Variants in B4GALNT3 observed in about 807,000 individuals in gnomAD.
The protein encoded by B4GALNT3 is beta-1,4-N-acetylgalactosaminyltransferase 3.
A neutral mutation model predicts 120.2 loss-of-function variants in B4GALNT3; 86 were observed. The ratio of observed to expected loss-of-function variants is 0.72; its 90% CI spans 0.60 to 0.86. B4GALNT3 has a LOEUF of 0.86. B4GALNT3 is among the 40% of genes least tolerant of loss of function. B4GALNT3 has a pLI of 0.00. For missense variants in B4GALNT3, 1,167 were observed against 1,298.9 expected, an observed-to-expected ratio of 0.90 and a Z score of 1.56; for synonymous variants, 518 against 510.4, an observed-to-expected ratio of 1.01 and a Z score of -0.20.
chr12:472,332 G>A (rs910972676), intron 1 of B4GALNT3, among the ~76,000 whole-genome samples: 3 of 152,236 alleles, frequency 2.0e-5, no homozygotes, highest in Admixed American at 1.3e-4. Context: ...CCAGCCTGGA[G>A]TTTGGTGGCA....
At chr12:531,727 C>A (rs75898920) in intron 1 of B4GALNT3, among the ~76,000 whole-genome samples, 5,439 of 152,208 alleles carry the variant, frequency 0.036, 235 homozygotes, top group African/African-American at 0.1. Flanking sequence ...AAACTCATAT[C>A]TTCCGACTCC....
chr12:552,614 C>T (rs1001965588), intron 13 of B4GALNT3, 86 bp downstream of exon 13: 1 of 1,350,500 alleles, frequency 7.4e-7, no homozygotes, highest in Non-Finnish European at 1.0e-6. Context: ...CCGTGCCAGC[C>T]CCGCCCCTGA....
intron 9 of B4GALNT3, among the ~76,000 whole-genome samples, chr12:549,329 C>G (rs1041620912): frequency 4.6e-5 from 7 of 152,180 alleles, no homozygotes; most frequent in African/African-American, 1.7e-4. Flanking sequence ...TGCCAAAGTT[C>G]CTTATCTGTA....
Position 551,019 on chromosome 12 carries a change from G to GGGA in B4GALNT3, c.1096_1098dup (p.Gly366dup), listed in dbSNP as rs767116275. The GGGA allele has an allele frequency of 1.9e-6, 3 of 1,611,376 alleles. No homozygotes were observed. Among genetic ancestry groups the GGGA allele is most frequent in the Non-Finnish European group, 2.5e-6 (3 of 1,177,476 alleles). ...ATGGGCTTCCTCTGCAGCGCTACCA[G>GGGA]GGACTCCGGTTTGTAAGTCTTGGGC... is the stretch of plus-strand genomic sequence containing the variant. On this transcript the variant is annotated inframe_insertion, in exon 11 of 20. Coordinates refer to ENST00000266383, the MANE Select transcript of B4GALNT3 (RefSeq NM_173593.4).
chr12:502,807 T>C (rs372395469), intron 1 of B4GALNT3, among the ~76,000 whole-genome samples: 3 of 152,186 alleles, frequency 2.0e-5, no homozygotes, highest in African/African-American at 7.2e-5. Context: ...CAAGCTGGAG[T>C]GCAGTAGTGT....
chr12:485,534 T>A (rs1052204454), intron 1 of B4GALNT3, among the ~76,000 whole-genome samples: 15 of 152,088 alleles, frequency 9.9e-5, no homozygotes, highest in African/African-American at 3.1e-4. Context: ...CCCAGAAATA[T>A]GTGAATGACC....
chr12:548,270 G>A lies in B4GALNT3; in HGVS notation c.826G>A (p.Asp276Asn). The change falls in exon 9 of 20, where the codon GAC (aspartate) becomes AAC (asparagine). Residue 276 changes from aspartate to asparagine, a missense_variant. By Grantham distance (23) the Asp-to-Asn change is conservative. This residue lies in a region of B4GALNT3 where 983 missense variants were observed against 1,102.5 expected (regional missense o/e 0.89). Coordinates refer to ENST00000266383, the MANE Select transcript of B4GALNT3 (RefSeq NM_173593.4). This position sits in a 1 kb window ranked among gnomAD's most constrained non-coding sequence, Gnocchi z 4.9. ...CCCTGGAGCCAAGTTCACCATCATTGACTCCCTCTCCCTGTCCCTCTTCAC... is the reference window on the plus strand; with the variant it reads ...CCCTGGAGCCAAGTTCACCATCATTAACTCCCTCTCCCTGTCCCTCTTCAC... ...NDPGAKFTII[D>N]SLSLSLFTNE... 1 of 1,614,094 alleles carries A rather than the reference G, an allele frequency of 6.2e-7. No individual in the cohort carries two copies. The highest frequency in any genetic ancestry group is 8.5e-7 in the Non-Finnish European group (1 of 1,180,006).
chr12:531,040 C>T (rs900238547), intron 1 of B4GALNT3, among the ~76,000 whole-genome samples: 4 of 152,132 alleles, frequency 2.6e-5, no homozygotes, highest in Non-Finnish European at 5.9e-5. Flanking sequence ...AGGAGGAGTT[C>T]GCTTACCAGA....
chr12:544,959 C>A lies in B4GALNT3; in HGVS notation c.525C>A (p.His175Gln). The change falls in exon 5 of 20, where the codon CAC becomes CAA. Residue 175 changes from histidine to glutamine, a missense_variant. Coordinates refer to ENST00000266383, the MANE Select transcript of B4GALNT3 (RefSeq NM_173593.4). ...GCCTCCGCATCTTTGGCTACCTGCACCCCTTTACTGATGGTGAGGCCAGCC... is the reference window on the plus strand; with the variant it reads ...GCCTCCGCATCTTTGGCTACCTGCAACCCTTTACTGATGGTGAGGCCAGCC... ...NYGLRIFGYL[H>Q]PFTDGKIQFA... 6.2e-7 allele frequency: 1 copy of A among 1,614,020 alleles called. No individual in the cohort carries two copies. Among genetic ancestry groups the A allele is most frequent in the East Asian group, 2.2e-5 (1 of 44,880 alleles).
rs548746299 is a variant in B4GALNT3, at chr12:519,213, G to C, written c.170-15953G>C. 1.2e-4 allele frequency among the ~76,000 whole-genome samples: 19 copies of C among 152,272 alleles called. No homozygotes were observed. In the South Asian group the frequency reaches 3.9e-3, roughly 32 times the overall value. ...TTACCCTACAAATTGCCTACAACAG[G>C]CTCTTTGAAAGATGGAAAACATATT... On this transcript the variant is annotated intron_variant, in intron 1 of 19. Transcript: ENST00000266383.
At position 549,840 on chromosome 12, in the gene B4GALNT3, A is replaced by G; in HGVS notation, c.925A>G (p.Asn309Asp). ...QTAASHVDSS[N>D]ALPRDEQPPA... ...AGCAGCCAGCCACGTGGACTCCTCC[A>G]ACGCTCTTCCCAGGGATGAGCAGCC... The change falls in exon 10 of 20, where the codon AAC (asparagine) becomes GAC (aspartate). Residue 309 changes from asparagine to aspartate, a missense_variant. Around this residue, in one of 3 missense-constraint regions of B4GALNT3, gnomAD observed 983 missense variants for 1,102.5 expected, o/e 0.89. Coordinates refer to ENST00000266383, the MANE Select transcript of B4GALNT3 (RefSeq NM_173593.4). 1 of 1,613,648 alleles carries G rather than the reference A, an allele frequency of 6.2e-7. No individual in the cohort carries two copies. Among genetic ancestry groups the G allele is most frequent in the Non-Finnish European group, 8.5e-7 (1 of 1,179,982 alleles).
At chr12:519,536 C>T (rs1946686008) in intron 1 of B4GALNT3, among the ~76,000 whole-genome samples, 1 of 151,724 alleles carries the variant, frequency 6.6e-6, no homozygotes, top group Admixed American at 6.6e-5. Flanking sequence ...CCTCCCCTTT[C>T]ATCCTGGAGC....
chr12:474,857 C>T (rs537892197), intron 1 of B4GALNT3, among the ~76,000 whole-genome samples: 27 of 146,640 alleles, frequency 1.8e-4, no homozygotes, highest in African/African-American at 6.3e-4. Context: ...TCGGGAGGCT[C>T]AAGATCACTT....
intron 3 of B4GALNT3, among the ~76,000 whole-genome samples, chr12:539,260 T>A (rs1273984081): frequency 2.0e-5 from 3 of 152,198 alleles, no homozygotes; most frequent in African/African-American, 7.2e-5. Flanking sequence ...ACACCAACAC[T>A]GATCACAAGA....
At chr12:510,575 A>G (rs1389264032) in intron 1 of B4GALNT3, among the ~76,000 whole-genome samples, 1 of 128,456 alleles carries the variant, frequency 7.8e-6, no homozygotes, top group East Asian at 2.1e-4. Context: ...AATGTGAGTC[A>G]TTTAATTTAA....
rs557290133 is a variant in B4GALNT3 at position 489,015 on chromosome 12, G to A, written c.169+28470G>A. Among the ~76,000 whole-genome samples the A allele has an allele frequency of 2.6e-5, 4 of 152,136 alleles. No homozygotes were observed. The South Asian group carries it at 8.3e-4, about 32-fold the overall frequency. Reference sequence around the variant, plus strand: ...AAAGAATGGGTTCATGTCCTTTGCAGGGACATGGATGAAGCTGGAAACCGT... The same window carrying A: ...AAAGAATGGGTTCATGTCCTTTGCAAGGACATGGATGAAGCTGGAAACCGT... On this transcript the variant is annotated intron_variant, in intron 1 of 19. Coordinates refer to ENST00000266383, the MANE Select transcript of B4GALNT3 (RefSeq NM_173593.4).
Position 561,763 on chromosome 12 carries a change from C to T in B4GALNT3, c.*312C>T, listed in dbSNP as rs114241285. ...GAGAGATCTGACTGAGCGACACCAT[C>T]CTCATCCATGAAGGTGCACGCCCAC... is the stretch of plus-strand genomic sequence containing the variant. On this transcript the variant is annotated 3_prime_UTR_variant, in exon 20 of 20. Transcript: ENST00000266383. 2.1e-3 allele frequency: 582 copies of T among 282,528 alleles called. 9 individuals carry two copies. The highest frequency in any genetic ancestry group is 0.012 in the African/African-American group (533 of 45,936). 17.5% of individuals were successfully genotyped at this position (282,528 alleles called of 1,614,324 possible).
intron 1 of B4GALNT3, among the ~76,000 whole-genome samples, chr12:514,364 A>AT (rs1207014827): frequency 1.3e-4 from 20 of 151,914 alleles, no homozygotes; most frequent in Admixed American, 1.1e-3. Flanking sequence ...CGCCTGGCTA[A>AT]TTTTTTGTAT....
At chr12:529,142 C>T (rs764541383) in intron 1 of B4GALNT3, among the ~76,000 whole-genome samples, 1 of 152,126 alleles carries the variant, frequency 6.6e-6, no homozygotes, top group Non-Finnish European at 1.5e-5. Context: ...CAGGGACAAG[C>T]CCTTTCTAAT....
Sources: gnomAD v4.1 joint callset for allele counts (sites outside exome capture counted in the v4.1 genomes callset) on GRCh38, gnomAD v4.1.1 for gene constraint, gnomAD v4.1.1 regional missense constraint, Gnocchi (gnomAD v3.1) non-coding constraint, MANE v1.5 for transcripts, NCBI Gene and HGNC (gene_info 2026-07-23, HGNC 2026-07-21) for gene names.